Variants in GALNT2 observed in about 807,000 individuals in gnomAD.
GALNT2 encodes the protein polypeptide N-acetylgalactosaminyltransferase 2.
Under a neutral mutation model 81.4 loss-of-function variants are expected in GALNT2, and 31 were observed. That is an observed-to-expected ratio of 0.38 (90% CI 0.29 to 0.51). GALNT2 has a LOEUF of 0.51. Among genes scored for constraint, GALNT2 ranks in the 20% least tolerant of loss-of-function variants. The pLI is 0.87. For missense variants in GALNT2, 629 were observed against 765.7 expected, an observed-to-expected ratio of 0.82 and a Z score of 2.11; for synonymous variants, 303 against 287.4, an observed-to-expected ratio of 1.05 and a Z score of -0.55.
intron 3 of GALNT2, among the ~76,000 whole-genome samples, chr1:230,208,514 G>A (rs903612046): frequency 2.6e-5 from 4 of 152,216 alleles, no homozygotes; most frequent in Non-Finnish European, 5.9e-5. Flanking sequence ...GTCTTAGCGG[G>A]AATGTAAATT....
At chr1:230,058,853 T>C (rs777116125) in intron 1 of GALNT2, among the ~76,000 whole-genome samples, 6 of 152,214 alleles carry the variant, frequency 3.9e-5, no homozygotes, top group Non-Finnish European at 7.3e-5. Flanking sequence ...AGAACTGTAG[T>C]ACTTCAAAGT....
At chr1:230,136,202 A>T (rs1298378828) in intron 1 of GALNT2, among the ~76,000 whole-genome samples, 3 of 151,834 alleles carry the variant, frequency 2.0e-5, no homozygotes, top group Non-Finnish European at 2.9e-5. Flanking sequence ...TTAGGTTTTC[A>T]CTCTTCTGGG....
chr1:230,241,004 T>C (rs1195059451), intron 6 of GALNT2, among the ~76,000 whole-genome samples: 1 of 152,236 alleles, frequency 6.6e-6, no homozygotes, highest in Non-Finnish European at 1.5e-5. Context: ...AGTCAGTGGA[T>C]TTTTCATTTC....
chr1:230,243,069 C>T lies in GALNT2; in HGVS notation c.608-237C>T, dbSNP rs954864667. Among the ~76,000 whole-genome samples, 9 of 152,308 alleles carry T rather than the reference C, an allele frequency of 5.9e-5. No homozygotes were observed. The highest frequency in any genetic ancestry group is 6.8e-3 in the Middle Eastern group (2 of 294). On this transcript the variant is annotated intron_variant, in intron 6 of 15. Transcript: ENST00000366672. This position sits in a 1 kb window ranked among gnomAD's most constrained non-coding sequence, Gnocchi z 4.2. ...AATGTAAAGGGCCTTTCTCAGAAGA[C>T]GGTAGTTCTAAGAACGTTGTCCTCC...
At chr1:230,138,247 C>T (rs1164877764) in intron 1 of GALNT2, among the ~76,000 whole-genome samples, 1 of 152,154 alleles carries the variant, frequency 6.6e-6, no homozygotes, top group Non-Finnish European at 1.5e-5. Context: ...CAGGGCCAGG[C>T]ATGGTGGCTC....
chr1:230,077,348 C>T (rs1043555816), intron 1 of GALNT2, among the ~76,000 whole-genome samples: 2 of 152,184 alleles, frequency 1.3e-5, no homozygotes, highest in African/African-American at 4.8e-5. Context: ...TCCTGTCTCA[C>T]TTTTGATCAT....
At chr1:230,063,308 CAAA>C (rs764050799), upstream of GALNT2, among the ~76,000 whole-genome samples, 4 of 89,076 alleles carry the variant, frequency 4.5e-5, no homozygotes, top group Admixed American at 2.3e-4. Context: ...AAGTGTCCAC[CAAA>C]AAAAAAAAAA....
chr1:230,214,810 T>C (rs1439775900), intron 3 of GALNT2, among the ~76,000 whole-genome samples: 1 of 152,176 alleles, frequency 6.6e-6, no homozygotes, highest in African/African-American at 2.4e-5. Flanking sequence ...TTTCTGTACT[T>C]TTTATTCTTT....
At chr1:230,150,239 C>T (rs1279536237) in intron 1 of GALNT2, among the ~76,000 whole-genome samples, 1 of 152,184 alleles carries the variant, frequency 6.6e-6, no homozygotes, top group Non-Finnish European at 1.5e-5. Flanking sequence ...CGTGTGCTGC[C>T]GTTTTTCTGT....
At chr1:230,111,915 CTT>C (rs5781566) in intron 1 of GALNT2, among the ~76,000 whole-genome samples, 7,485 of 147,924 alleles carry the variant, frequency 0.051, 545 homozygotes, top group East Asian at 0.33. Context: ...TTTTGTTATT[CTT>C]TTTTTTTTTT....
chr1:230,246,251 T>G (rs1665366077), intron 8 of GALNT2, 101 bp downstream of exon 8: 2 of 924,402 alleles, frequency 2.2e-6, no homozygotes, highest in East Asian at 4.8e-5. Context: ...ACAACAGTGT[T>G]CACGCCGTAG....
At chr1:230,058,190 C>T (rs1658962147) in intron 1 of GALNT2, 1 of 447,372 alleles carries the variant, frequency 2.2e-6, no homozygotes, top group African/African-American at 2.0e-5. Flanking sequence ...CCTCCTCCTT[C>T]CTAGGCCCAA....
chr1:230,249,093 C>T (rs2092700386), intron 8 of GALNT2, 91 bp from the exon 9 acceptor site: 5 of 1,266,292 alleles, frequency 3.9e-6, no homozygotes, highest in Non-Finnish European at 5.7e-6. Context: ...TCTGTCCAAA[C>T]ATCGAATATT....
At chr1:230,117,995 T>C (rs80210589) in intron 1 of GALNT2, among the ~76,000 whole-genome samples, 1 of 152,234 alleles carries the variant, frequency 6.6e-6, no homozygotes, top group Non-Finnish European at 1.5e-5. Flanking sequence ...TGGAATTGTC[T>C]GTGTGCTCCC....
rs1242907189 is a variant in GALNT2, at chr1:230,193,130, G to A, written c.221-10007G>A. ...TACATTCTGTTTCCCTTCCTTGGCT[G>A]CTTTCCCAGCGGTTGCTCTGTTTTA... On this transcript the variant is annotated intron_variant, in intron 2 of 15. Coordinates refer to ENST00000366672, the MANE Select transcript of GALNT2 (RefSeq NM_004481.5). This position sits in a 1 kb window ranked among gnomAD's most constrained non-coding sequence, Gnocchi z 4.3. Among the ~76,000 whole-genome samples the A allele has an allele frequency of 1.3e-5, 2 of 152,170 alleles. No homozygotes were observed. Among genetic ancestry groups the A allele is most frequent in the Non-Finnish European group, 2.9e-5 (2 of 68,036 alleles).
intron 1 of GALNT2, among the ~76,000 whole-genome samples, chr1:230,164,587 C>T (rs1297105737): frequency 6.6e-6 from 1 of 151,276 alleles, no homozygotes; most frequent in Non-Finnish European, 1.5e-5. Flanking sequence ...AGGCTGGAGT[C>T]CAGTGGTGCG....
At chr1:230,143,920 A>T (rs1661830083) in intron 1 of GALNT2, among the ~76,000 whole-genome samples, 1 of 152,272 alleles carries the variant, frequency 6.6e-6, no homozygotes, top group African/African-American at 2.4e-5. Flanking sequence ...CTTTGTAATT[A>T]GGCTTTAATT....
At chr1:230,163,401 G>C (rs549585388) in intron 1 of GALNT2, among the ~76,000 whole-genome samples, 1 of 152,218 alleles carries the variant, frequency 6.6e-6, no homozygotes, top group South Asian at 2.1e-4. Context: ...CATGGGATGA[G>C]GTCACTCCGG....
intron 1 of GALNT2, among the ~76,000 whole-genome samples, chr1:230,115,040 CT>C (rs1313662490): frequency 6.8e-6 from 1 of 146,060 alleles, no homozygotes; most frequent in Non-Finnish European, 1.5e-5. Flanking sequence ...GAGTCTCACT[CT>C]GTCACCCAGG....
Sources: allele counts gnomAD v4.1 joint callset (sites outside exome capture counted in the v4.1 genomes callset), GRCh38; gene constraint gnomAD v4.1.1; non-coding constraint Gnocchi (gnomAD v3.1); transcripts MANE v1.5; gene names NCBI Gene and HGNC (gene_info 2026-07-23, HGNC 2026-07-21).